SRCAP: variants seen among roughly 807,000 people sequenced by gnomAD.
SRCAP encodes chromatin remodeling protein SRCAP.
Under a neutral mutation model 263.1 loss-of-function variants are expected in SRCAP, and 46 were observed. The ratio of observed to expected loss-of-function variants is 0.17; its 90% CI spans 0.14 to 0.22. The LOEUF (loss-of-function observed/expected upper bound fraction) is 0.22, where lower values mean the gene tolerates loss of function less well. Ranked by LOEUF, SRCAP falls within the 10% of genes least tolerant of loss-of-function variation. The pLI is 1.00. For missense variants in SRCAP, 3,695 were observed against 4,181.9 expected, an observed-to-expected ratio of 0.88 and a Z score of 3.21; for synonymous variants, 1,813 against 1,662.1, an observed-to-expected ratio of 1.09 and a Z score of -2.21.
Position 30,739,980 on chromosome 16 carries a change from C to A in SRCAP, c.*247C>A. The A allele has an allele frequency of 2.3e-6, 1 of 442,626 alleles. No homozygotes were observed. Among genetic ancestry groups the A allele is most frequent in the Non-Finnish European group, 3.7e-6 (1 of 266,672 alleles). 27.4% of individuals were successfully genotyped at this position (442,626 alleles called of 1,614,324 possible). On this transcript the variant is annotated 3_prime_UTR_variant, in exon 34 of 34. Coordinates refer to ENST00000262518, the MANE Select transcript of SRCAP (RefSeq NM_006662.3). ...TTAAGGGTGGCAAGATAGTCTCTGTCCCCACCCCCTTGTACTTGATTCCCC... is the reference window on the plus strand; with the variant it reads ...TTAAGGGTGGCAAGATAGTCTCTGTACCCACCCCCTTGTACTTGATTCCCC...
At chr16:30,703,673 G>T (rs550054336) in intron 3 of SRCAP, among the ~76,000 whole-genome samples, 1 of 151,614 alleles carries the variant, frequency 6.6e-6, no homozygotes, top group Non-Finnish European at 1.5e-5. Context: ...GAGGTGGGCG[G>T]ATCATGAGGT....
Position 30,739,061 on chromosome 16 carries a change from G to T in SRCAP, c.9021G>T (p.Arg3007Ser). 6.2e-7 allele frequency: 1 copy of T among 1,614,168 alleles called. No individual in the cohort carries two copies. The highest frequency in any genetic ancestry group is 8.5e-7 in the Non-Finnish European group (1 of 1,180,020). ...TISTSPPKRK[R>S]GRPPKNPPSP... The stretch of plus-strand genomic sequence containing the variant: ...CAACGTCCCCACCCAAACGGAAGAG[G>T]GGCCGACCTCCCAAGAATCCTCCAT... The change falls in exon 34 of 34, where the codon AGG becomes AGT. Residue 3007 changes from arginine to serine, a missense_variant. This residue lies in a region of SRCAP where 1,207 missense variants were observed against 1,142.9 expected (regional missense o/e 1.06). Coordinates refer to ENST00000262518, the MANE Select transcript of SRCAP (RefSeq NM_006662.3).
chr16:30,737,012 G>A (rs1474364834), intron 33 of SRCAP, 37 bp from the exon 34 acceptor site: 14 of 1,541,602 alleles, frequency 9.1e-6, no homozygotes, highest in Admixed American at 2.0e-5. Context: ...TACTCTGCTT[G>A]CCTCCTCCTG....
At position 30,736,273 on chromosome 16, in the gene SRCAP, T is replaced by G. The variant is rs2053159771; in HGVS notation, c.6803T>G (p.Leu2268Arg). Residue 2268 changes from leucine to arginine, a missense_variant, in exon 32 of 34, where the codon CTT (leucine) becomes CGT (arginine). Transcript: ENST00000262518. The part of the protein sequence containing the change: ...TQAKAEQVAE[L>R]AEFNENDGFP... ...GCCAAGGCTGAACAGGTGGCTGAGC[T>G]TGCAGAATTTAATGAGAACGATGGG... is the stretch of plus-strand genomic sequence containing the variant. The G allele has an allele frequency of 6.2e-7, 1 of 1,614,050 alleles. No homozygotes were observed. The highest frequency in any genetic ancestry group is 1.3e-5 in the African/African-American group (1 of 74,912).
At chr16:30,713,152 C>T (rs2052910715) in intron 14 of SRCAP, 56 bp from the exon 15 acceptor site, 2 of 1,563,860 alleles carry the variant, frequency 1.3e-6, no homozygotes, top group Non-Finnish European at 1.8e-6. Context: ...CATGTCTTCC[C>T]TTTGCTCTCT....
chr16:30,733,202 A>G lies in SRCAP; in HGVS notation c.6128-78A>G. On this transcript the variant is annotated intron_variant, in intron 27 of 33. Coordinates refer to ENST00000262518, the MANE Select transcript of SRCAP (RefSeq NM_006662.3). The surrounding 1 kb of genome is among the most constrained non-coding windows in gnomAD (Gnocchi z 5.3). ...GGCTTAAAGCATTGATTATCTTTCA[A>G]CCCCAGCCTTGCATTGCTAAGCATT... 4.7e-6 allele frequency: 7 copies of G among 1,500,634 alleles called. No individual in the cohort carries two copies. Among genetic ancestry groups the G allele is most frequent in the Non-Finnish European group, 6.3e-6 (7 of 1,109,606 alleles). The allele number at this position is 1,500,634 out of a possible 1,614,324, so 93.0% of individuals were successfully genotyped here. A position where few individuals can be genotyped will look rare whatever the true frequency, so the allele number is the denominator to read the frequency against.
chr16:30,710,012 C>T lies in SRCAP; in HGVS notation c.1018C>T (p.Pro340Ser). ...LPLEELLRSLPPQLLEGPSSP... is the reference protein window; with the variant it reads ...LPLEELLRSLSPQLLEGPSSP... ...ACTGGAAGAGCTGCTCCGTTCCCTT[C>T]CCCCTCAGCTGTTGGAAGGGCCTTC... The change falls in exon 8 of 34, where the codon CCC becomes TCC. Residue 340 changes from proline to serine, a missense_variant. Pro to Ser is a moderately conservative substitution (Grantham distance 74). Around this residue, in one of 12 missense-constraint regions of SRCAP, gnomAD observed 288 missense variants for 302.4 expected, o/e 0.95. Transcript: ENST00000262518. The T allele has an allele frequency of 6.2e-7, 1 of 1,614,164 alleles. No individual in the cohort carries two copies.
Position 30,739,331 on chromosome 16 carries a change from A to T in SRCAP, c.9291A>T (p.Ala3097=). ...VAVIQDDLDL[A]DSGPGGLELT... ...TAATTCAGGATGACCTGGACTTAGC[A>T]GATAGCGGGCCAGGCGGGTTGGAAT... Residue 3097 remains alanine (A), a synonymous_variant, in exon 34 of 34, where the codon GCA becomes GCT. Transcript: ENST00000262518. 1 of 1,614,128 alleles carries T rather than the reference A, an allele frequency of 6.2e-7. No individual in the cohort carries two copies. The highest frequency in any genetic ancestry group is 8.5e-7 in the Non-Finnish European group (1 of 1,179,972).
Position 30,739,726 on chromosome 16 carries a change from A to G in SRCAP, c.9686A>G (p.Lys3229Arg). 6.8e-7 allele frequency: 1 copy of G among 1,477,470 alleles called. No individual in the cohort carries two copies. The highest frequency in any genetic ancestry group is 9.0e-7 in the Non-Finnish European group (1 of 1,113,442). 91.5% of individuals were successfully genotyped at this position (1,477,470 alleles called of 1,614,324 possible). A position where few individuals can be genotyped will look rare whatever the true frequency, so the allele number is the denominator to read the frequency against. The stretch of plus-strand genomic sequence containing the variant: ...GTTAGTCACAGAGGCCGCAAGGCCA[A>G]GACGTGAGTGGGCTGCCCCTCCACC... ...PAVSHRGRKA[K>R]T The change falls in exon 34 of 34, where the codon AAG becomes AGG. Residue 3229 changes from lysine (K) to arginine (R), a missense_variant. Around this residue, in one of 12 missense-constraint regions of SRCAP, gnomAD observed 1,207 missense variants for 1,142.9 expected, o/e 1.06. Transcript: ENST00000262518.
chr16:30,710,405 A>G, intron 8 of SRCAP: 1 of 638,202 alleles, frequency 1.6e-6, no homozygotes. Flanking sequence ...GTTACTTGCC[A>G]CTTCTCTGAA....
chr16:30,721,356 C>T lies in SRCAP; in HGVS notation c.3421C>T (p.Pro1141Ser). The T allele has an allele frequency of 9.3e-6, 15 of 1,614,156 alleles. No individual in the cohort carries two copies. The highest frequency in any genetic ancestry group is 1.3e-5 in the Non-Finnish European group (15 of 1,180,042). ...AGTGCCACCAGGCTACACCTTCCCT[C>T]CTGCTGCTGCCACCACCACTTCTAC... ...LTVPPGYTFP[P>S]AAATTTSTTT... The change falls in exon 21 of 34, where the codon CCT (proline) becomes TCT (serine). Residue 1141 changes from proline (P) to serine (S), a missense_variant. This residue lies in a region of SRCAP where 1,347 missense variants were observed against 1,304.4 expected (regional missense o/e 1.03). Transcript: ENST00000262518.
chr16:30,736,861 C>T (rs748545494), intron 33 of SRCAP, among the ~76,000 whole-genome samples, 188 bp from the exon 34 acceptor site: 1 of 151,746 alleles, frequency 6.6e-6, no homozygotes, highest in Non-Finnish European at 1.5e-5. Context: ...TTAGTAGAGA[C>T]GGGGGTTTCA....
At chr16:30,719,591 G>T (rs1045903392) in intron 18 of SRCAP, among the ~76,000 whole-genome samples, 1 of 151,852 alleles carries the variant, frequency 6.6e-6, no homozygotes, top group South Asian at 2.1e-4. Context: ...ATAGCTGACT[G>T]CAGCCTCAGC....
intron 27 of SRCAP, among the ~76,000 whole-genome samples, chr16:30,730,886 T>C (rs916496845): frequency 6.6e-6 from 1 of 152,232 alleles, no homozygotes; most frequent in East Asian, 1.9e-4. Context: ...GCCAGGCTGG[T>C]CTCGAACTCC....
intron 31 of SRCAP, among the ~76,000 whole-genome samples, chr16:30,735,286 A>G (rs1268760416): frequency 2.0e-5 from 3 of 149,126 alleles, no homozygotes; most frequent in Non-Finnish European, 4.5e-5. Context: ...AGCTGGGACT[A>G]CAGGCGCCCG....
At chr16:30,710,577 G>C in intron 8 of SRCAP, 177 bp from the exon 9 acceptor site, 1 of 812,104 alleles carries the variant, frequency 1.2e-6, no homozygotes, top group Non-Finnish European at 2.2e-6. Flanking sequence ...GTGGGGCCAG[G>C]ATTTGGTAGC....
At chr16:30,707,737 A>C in intron 6 of SRCAP, 25 bp downstream of exon 6, 1 of 1,613,294 alleles carries the variant, frequency 6.2e-7, no homozygotes, top group South Asian at 1.1e-5. Flanking sequence ...TCAGGAAAGG[A>C]AAATGGCCTT....
At chr16:30,699,834 C>T (rs1567237906) in intron 1 of SRCAP, 74 bp from the exon 2 acceptor site, 1 of 152,146 alleles carries the variant, frequency 6.6e-6, no homozygotes, top group Non-Finnish European at 1.5e-5. Context: ...TGTTTCTAGT[C>T]TTTTAACTGA....
chr16:30,738,747 G>T lies in SRCAP; in HGVS notation c.8707G>T (p.Val2903Phe). Residue 2903 changes from valine to phenylalanine, a missense_variant, in exon 34 of 34, where the codon GTT (valine) becomes TTT (phenylalanine). Transcript: ENST00000262518. ...AGTCCCTGGGCCTGAGACCCTAATT[G>T]TTGCAGATCCTGTCCTGGAACCACA... ...DPVPGPETLI[V>F]ADPVLEPQLI... 3 of 1,614,074 alleles carry T rather than the reference G, an allele frequency of 1.9e-6. No individual in the cohort carries two copies. Among genetic ancestry groups the T allele is most frequent in the South Asian group, 2.2e-5 (2 of 91,062 alleles).
Sources: gnomAD v4.1 joint callset for allele counts (sites outside exome capture counted in the v4.1 genomes callset) on GRCh38, gnomAD v4.1.1 for gene constraint, gnomAD v4.1.1 regional missense constraint, Gnocchi (gnomAD v3.1) non-coding constraint, MANE v1.5 for transcripts, NCBI Gene and HGNC (gene_info 2026-07-23, HGNC 2026-07-21) for gene names.